CCDC88C: variants seen among roughly 807,000 people sequenced by gnomAD.
The protein encoded by CCDC88C is coiled-coil and HOOK domain protein 88C.
A neutral mutation model predicts 198.8 loss-of-function variants in CCDC88C; 131 were observed. The observed-to-expected ratio is 0.66, with a 90% confidence interval of 0.57 to 0.76. The LOEUF (loss-of-function observed/expected upper bound fraction) is 0.76. CCDC88C is among the 30% of genes least tolerant of loss of function. The pLI, the probability that CCDC88C is intolerant of heterozygous loss-of-function variation, is 0.00. For synonymous variants in CCDC88C, 1,166 were observed against 1,114.7 expected, an observed-to-expected ratio of 1.05 and a Z score of -0.92; for missense variants, 2,553 against 2,631.6, an observed-to-expected ratio of 0.97 and a Z score of 0.65.
rs571703647 is a variant in CCDC88C, at chr14:91,376,506, G to A, written c.271-16795C>T. ...TAGTGAGGGACTTTTATCCACCGCCGTCTCTGGAGAGCCCACAGGTGGGAA... is the reference window on the plus strand; with the variant it reads ...TAGTGAGGGACTTTTATCCACCGCCATCTCTGGAGAGCCCACAGGTGGGAA... On this transcript the variant is annotated intron_variant, in intron 3 of 29. Coordinates refer to ENST00000389857, the MANE Select transcript of CCDC88C (RefSeq NM_001080414.4). Among the ~76,000 whole-genome samples, 25 of 152,330 alleles carry A rather than the reference G, an allele frequency of 1.6e-4. No individual in the cohort carries two copies. In the East Asian group the frequency reaches 2.9e-3, roughly 18 times the overall value.
rs542405688 is a variant in CCDC88C at position 91,316,272 on chromosome 14, G to A, written c.1528-485C>T. ...GGCCAGGCCACATTTTGTCTGGCCT[G>A]GACAGCCACCCAGTGATCTCCTTGA... On this transcript the variant is annotated intron_variant, in intron 13 of 29. Transcript: ENST00000389857. 1.4e-4 allele frequency among the ~76,000 whole-genome samples: 22 copies of A among 152,226 alleles called. No homozygotes were observed. In the South Asian group the frequency reaches 4.1e-3, roughly 29 times the overall value.
intron 3 of CCDC88C, among the ~76,000 whole-genome samples, chr14:91,369,145 T>C (rs1018036653): frequency 1.3e-5 from 2 of 152,164 alleles, no homozygotes; most frequent in Non-Finnish European, 2.9e-5. Flanking sequence ...CTTCATCACC[T>C]CATGCCCAAA....
At chr14:91,305,992 C>G (rs936217646) in intron 18 of CCDC88C, 66 bp from the exon 19 acceptor site, 4 of 1,546,506 alleles carry the variant, frequency 2.6e-6, no homozygotes, top group Non-Finnish European at 3.5e-6. Context: ...GCCACAGGTA[C>G]TTGGGTTGTA....
At chr14:91,293,605 T>TTCCTG (rs1890866608) in intron 23 of CCDC88C, among the ~76,000 whole-genome samples, 1 of 146,644 alleles carries the variant, frequency 6.8e-6, no homozygotes, top group Non-Finnish European at 1.5e-5. Flanking sequence ...ATGGCCCACC[T>TTCCTG]CCTGTGGGCC....
chr14:91,356,823 G>A (rs1233593052), intron 4 of CCDC88C, among the ~76,000 whole-genome samples: 2 of 152,068 alleles, frequency 1.3e-5, no homozygotes, highest in Non-Finnish European at 2.9e-5. Flanking sequence ...GATGGTAGTG[G>A]GGCAGAGAGG....
Position 91,283,342 on chromosome 14 carries a change from T to C in CCDC88C, c.4617A>G (p.Pro1539=). The change falls in exon 26 of 30, where the codon CCA becomes CCG. Residue 1539 remains proline (P), a synonymous_variant. Transcript: ENST00000389857. ...PSNSTPIARH[P]GRTKGYNSDD... ...CCTGTGACTCACCTTTGGTGCGGCC[T>C]GGGTGCCGGGCGATGGGGGTGGAGT... The C allele has an allele frequency of 1.2e-6, 2 of 1,613,428 alleles. No individual in the cohort carries two copies. The highest frequency in any genetic ancestry group is 1.7e-6 in the Non-Finnish European group (2 of 1,179,788).
rs1892572131 is a variant in CCDC88C, at chr14:91,326,063, A to C, written c.1051-7T>G. 1 of 1,607,174 alleles carries C rather than the reference A, an allele frequency of 6.2e-7. No individual in the cohort carries two copies. Among genetic ancestry groups the C allele is most frequent in the East Asian group, 2.2e-5 (1 of 44,794 alleles). On this transcript the variant is annotated splice_polypyrimidine_tract_variant and splice_region_variant and intron_variant, in intron 10 of 29. Coordinates refer to ENST00000389857, the MANE Select transcript of CCDC88C (RefSeq NM_001080414.4). ...TATTATCTTCTCTCAGCTCCTGGTT[A>C]GCAAAAACATACATGAGAACCATCA...
rs894193736 is a variant in CCDC88C at position 91,352,292 on chromosome 14, G to A, written c.340+7350C>T. ...CTGGTCTCCAGGCAGATCCGCGGGTGCTTGGAGGCCGGCGTGTGGGCCGCA... is the reference window on the plus strand; with the variant it reads ...CTGGTCTCCAGGCAGATCCGCGGGTACTTGGAGGCCGGCGTGTGGGCCGCA... On this transcript the variant is annotated intron_variant, in intron 4 of 29. Transcript: ENST00000389857. The surrounding 1 kb of genome is among the most constrained non-coding windows in gnomAD (Gnocchi z 4.2). 6.6e-6 allele frequency among the ~76,000 whole-genome samples: 1 copy of A among 152,238 alleles called. No individual in the cohort carries two copies. Among genetic ancestry groups the A allele is most frequent in the Admixed American group, 6.5e-5 (1 of 15,292 alleles).
chr14:91,378,845 T>C (rs1884614884), intron 3 of CCDC88C: 1 of 152,232 alleles, frequency 6.6e-6, no homozygotes, highest in African/African-American at 2.4e-5. Flanking sequence ...AGCTGTATAA[T>C]ATTCCATTGT....
chr14:91,303,709 G>A lies in CCDC88C; in HGVS notation c.3627C>T (p.Leu1209=). The A allele has an allele frequency of 4.5e-6, 7 of 1,571,968 alleles. No individual in the cohort carries two copies. Among genetic ancestry groups the A allele is most frequent in the Non-Finnish European group, 6.0e-6 (7 of 1,157,060 alleles). The change falls in exon 20 of 30, where the codon CTC becomes CTT. Residue 1209 remains leucine (L), a synonymous_variant. Coordinates refer to ENST00000389857, the MANE Select transcript of CCDC88C (RefSeq NM_001080414.4). The part of the protein sequence containing the change: ...HRNLELEHKE[L]GERHGDMLKR... ...CCTTCCCCAGGCCCTACCTCTCCCC[G>A]AGCTCCTTGTGCTCCAGCTCCAGAT...
At chr14:91,336,146 G>C (rs991922324) in intron 10 of CCDC88C, among the ~76,000 whole-genome samples, 3 of 152,184 alleles carry the variant, frequency 2.0e-5, no homozygotes, top group African/African-American at 7.2e-5. Flanking sequence ...AAAAATACTT[G>C]TCACTTCACA....
chr14:91,359,560 C>A (rs150235613), intron 4 of CCDC88C, 82 bp downstream of exon 4: 1 of 1,100,988 alleles, frequency 9.1e-7, no homozygotes, highest in Non-Finnish European at 1.4e-6. Context: ...AAGCTGGCAG[C>A]CGGAGCTCGA....
At position 91,305,709 on chromosome 14, in the gene CCDC88C, C is replaced by A. The variant is rs936144918; in HGVS notation, c.3357+56G>T. 3 of 1,545,082 alleles carry A rather than the reference C, an allele frequency of 1.9e-6. No homozygotes were observed. In the Admixed American group the frequency reaches 5.4e-5, roughly 28 times the overall value. ...AATGCCCCCAGTTGGTCCCCAGGAGCCACAGATAAACATCCCGCCAGGCTT... is the reference window on the plus strand; with the variant it reads ...AATGCCCCCAGTTGGTCCCCAGGAGACACAGATAAACATCCCGCCAGGCTT... On this transcript the variant is annotated intron_variant, in intron 19 of 29. Coordinates refer to ENST00000389857, the MANE Select transcript of CCDC88C (RefSeq NM_001080414.4).
chr14:91,360,116 G>C (rs936897813), intron 3 of CCDC88C, among the ~76,000 whole-genome samples: 1 of 152,098 alleles, frequency 6.6e-6, no homozygotes, highest in Non-Finnish European at 1.5e-5. Context: ...TGTATGGCTT[G>C]TGCAATTAAA....
At chr14:91,380,501 A>G (rs1884723416) in intron 3 of CCDC88C, among the ~76,000 whole-genome samples, 1 of 152,036 alleles carries the variant, frequency 6.6e-6, no homozygotes, top group African/African-American at 2.4e-5. Flanking sequence ...CAGACAGTAC[A>G]ATAAGCCCCT....
At chr14:91,364,370 C>T (rs929423548) in intron 3 of CCDC88C, among the ~76,000 whole-genome samples, 6 of 152,216 alleles carry the variant, frequency 3.9e-5, no homozygotes, top group Non-Finnish European at 7.3e-5. Flanking sequence ...TGCTTTTCAA[C>T]TGCATCCTGG....
rs770649670 is a variant in CCDC88C, at chr14:91,289,280, C to T, written c.4266G>A (p.Ser1422=). The change falls in exon 25 of 30, where the codon TCG becomes TCA. Residue 1422 remains serine (S), a synonymous_variant. Transcript: ENST00000389857. ...CCACGGTGGATTTTAAGCGTTCCCTCGAACCCTCTTTCTTTGGTTTGATGA... is the reference window on the plus strand; with the variant it reads ...CCACGGTGGATTTTAAGCGTTCCCTTGAACCCTCTTTCTTTGGTTTGATGA... The part of the protein sequence containing the change: ...VKLIKPKKEG[S]RERLKSTVDS... 5.0e-6 allele frequency: 8 copies of T among 1,613,908 alleles called. No homozygotes were observed. The highest frequency in any genetic ancestry group is 6.8e-6 in the Non-Finnish European group (8 of 1,179,892).
At chr14:91,281,126 A>G (rs201520815) in intron 27 of CCDC88C, 42 of 496,126 alleles carry the variant, frequency 8.5e-5, no homozygotes, top group Admixed American at 4.6e-4. Flanking sequence ...CCAAGTGAGG[A>G]CAGCAAGGGA....
At chr14:91,297,593 G>C in intron 21 of CCDC88C, 102 bp from the exon 22 acceptor site, 1 of 1,227,126 alleles carries the variant, frequency 8.1e-7, no homozygotes. Flanking sequence ...GTGGCAGGCT[G>C]TGCAACCTTA....
Sources: allele counts gnomAD v4.1 joint callset (sites outside exome capture counted in the v4.1 genomes callset), GRCh38; gene constraint gnomAD v4.1.1; non-coding constraint Gnocchi (gnomAD v3.1); transcripts MANE v1.5; gene names NCBI Gene and HGNC (gene_info 2026-07-23, HGNC 2026-07-21).